The following NSD1 variants were observed in gnomAD, a reference collection of about 807,000 sequenced individuals.
NSD1 encodes nuclear receptor binding SET domain protein 1, also known as histone-lysine N-methyltransferase, H3 lysine-36 specific.
NSD1 carries 26 observed loss-of-function variants against 242.7 expected under a neutral mutation model. The ratio of observed to expected loss-of-function variants is 0.11; its 90% CI spans 0.08 to 0.15. The LOEUF (loss-of-function observed/expected upper bound fraction) is 0.15. Among genes scored for constraint, NSD1 ranks in the 10% least tolerant of loss-of-function variants. The pLI is 1.00. For synonymous variants in NSD1, 1,106 were observed against 1,178.1 expected (o/e 0.94, Z 1.25); for missense variants, 2,495 against 3,272.8 (o/e 0.76, Z 5.80).
chr5:177,209,082 T>G (rs1338194825), intron 4 of NSD1, among the ~76,000 whole-genome samples: 1 of 152,134 alleles, frequency 6.6e-6, no homozygotes, highest in African/African-American at 2.4e-5. Context: ...GTGGAGTGTT[T>G]GTGAGATCAG....
At chr5:177,179,372 C>T (rs887001314) in intron 2 of NSD1, among the ~76,000 whole-genome samples, 3 of 152,100 alleles carry the variant, frequency 2.0e-5, no homozygotes, top group Admixed American at 6.6e-5. Flanking sequence ...TGCGCCACCA[C>T]GCCCAGCTGA....
chr5:177,176,839 A>G (rs1442920362), intron 2 of NSD1, among the ~76,000 whole-genome samples: 1 of 152,158 alleles, frequency 6.6e-6, no homozygotes, highest in Non-Finnish European at 1.5e-5. Flanking sequence ...TCCAGGTCCA[A>G]CTTCTAGAGT....
intron 17 of NSD1, among the ~76,000 whole-genome samples, chr5:177,279,850 C>T (rs1758713416): frequency 6.6e-6 from 1 of 150,886 alleles, no homozygotes; most frequent in Non-Finnish European, 1.5e-5. Flanking sequence ...ATTTCCTGAC[C>T]TCGTGATCCA....
intron 13 of NSD1, among the ~76,000 whole-genome samples, chr5:177,259,326 C>T (rs1040601385): frequency 4.6e-5 from 7 of 152,126 alleles, no homozygotes; most frequent in Admixed American, 4.6e-4. Flanking sequence ...ATCAAAATTG[C>T]AGTTTCGATG....
intron 2 of NSD1, among the ~76,000 whole-genome samples, chr5:177,172,248 A>G (rs1009664626): frequency 1.3e-5 from 2 of 152,114 alleles, no homozygotes; most frequent in African/African-American, 4.8e-5. Context: ...GTTCATGCCT[A>G]TTATAATCCT....
chr5:177,146,913 T>C (rs1757295182), intron 2 of NSD1, among the ~76,000 whole-genome samples: 1 of 151,482 alleles, frequency 6.6e-6, no homozygotes, highest in Non-Finnish European at 1.5e-5. Context: ...AGGCTGAGGT[T>C]GGAGAATCGC....
rs1415003698 is a variant in NSD1, at chr5:177,246,702, C to T, written c.4403C>T (p.Pro1468Leu). 1.9e-6 allele frequency: 3 copies of T among 1,613,682 alleles called. No homozygotes were observed. Among genetic ancestry groups the T allele is most frequent in the Non-Finnish European group, 2.5e-6 (3 of 1,179,882 alleles). ...GGCACTACCAAGATATTTGACAAGC[C>T]AAGGAAGCGAAAACGACAGAGGCAT... ...GGGTTKIFDK[P>L]RKRKRQRHAA... The change falls in exon 10 of 23, where the codon CCA (proline) becomes CTA (leucine). Residue 1468 changes from proline (P) to leucine (L), a missense_variant. By Grantham distance (98) the Pro-to-Leu change is moderately conservative (BLOSUM62 -3). Transcript: ENST00000439151.
At position 177,217,778 on chromosome 5, in the gene NSD1, C is replaced by T. The variant is rs1230188667; in HGVS notation, c.3796+5583C>T. Among the ~76,000 whole-genome samples, 16 of 151,682 alleles carry T rather than the reference C, an allele frequency of 1.1e-4. 1 individual carries two copies. The highest frequency in any genetic ancestry group is 3.4e-3 in the Middle Eastern group (1 of 294). On this transcript the variant is annotated intron_variant, in intron 5 of 22. Transcript: ENST00000439151. ...CACCTCCCTCGTTCAAGCCATTCTC[C>T]TGCCTCAGGCTCCTGAGTAGATGGG... is the stretch of plus-strand genomic sequence containing the variant.
chr5:177,258,783 G>T (rs1756748811), intron 13 of NSD1, among the ~76,000 whole-genome samples: 1 of 152,170 alleles, frequency 6.6e-6, no homozygotes, highest in Non-Finnish European at 1.5e-5. Flanking sequence ...TGATCTGCCT[G>T]CCTCAGCCTC....
chr5:177,212,275 TGTAATG>T, intron 5 of NSD1, 80 bp downstream of exon 5: 1 of 1,425,228 alleles, frequency 7.0e-7, no homozygotes, highest in South Asian at 1.2e-5. Context: ...ATTGGTCTGT[TGTAATG>T]GTAAAGTGAA....
In NSD1 at chr5:177,297,001, A is replaced by G. The variant is rs551304965; in HGVS notation, c.*1542A>G. On this transcript the variant is annotated 3_prime_UTR_variant, in exon 23 of 23. Transcript: ENST00000439151. ...CAATAGGATTCTGTATTTGGTCCCA[A>G]TTTCCTCAAGTTCTTATTGAGGTTA... 2.6e-3 allele frequency: 603 copies of G among 233,312 alleles called. 2 individuals are homozygous for G. The highest frequency in any genetic ancestry group is 9.6e-3 in the South Asian group (53 of 5,532). 14.5% of individuals were successfully genotyped at this position (233,312 alleles called of 1,614,324 possible). A position where few individuals can be genotyped will look rare whatever the true frequency, so the allele number is the denominator to read the frequency against.
In NSD1 at chr5:177,211,775, G is replaced by A. The variant is rs760934525; in HGVS notation, c.3376G>A (p.Gly1126Arg). The change falls in exon 5 of 23, where the codon GGA becomes AGA. Residue 1126 changes from glycine (G) to arginine (R), a missense_variant. Gly to Arg is a moderately radical substitution (Grantham distance 125). Coordinates refer to ENST00000439151, the MANE Select transcript of NSD1 (RefSeq NM_022455.5). ...TGATCCTGGTAAAATTTCTGAAAAA[G>A]GACTCTCTTTTGAAAACGGAAAAGG... ...QSDPGKISEK[G>R]LSFENGKGPE... 9 of 1,614,070 alleles carry A rather than the reference G, an allele frequency of 5.6e-6. No homozygotes were observed. The highest frequency in any genetic ancestry group is 7.6e-6 in the Non-Finnish European group (9 of 1,180,026).
chr5:177,266,376 G>A (rs905085459), intron 14 of NSD1: 4 of 677,432 alleles, frequency 5.9e-6, no homozygotes, highest in Non-Finnish European at 5.6e-6. Context: ...CCTTGGCGGC[G>A]AACATGCAGA....
chr5:177,169,916 G>GT (rs1414965477), intron 2 of NSD1, among the ~76,000 whole-genome samples: 3 of 151,208 alleles, frequency 2.0e-5, no homozygotes, highest in Admixed American at 6.6e-5. Context: ...TTTTTAAAAT[G>GT]TTTTTTCTGT....
intron 4 of NSD1, among the ~76,000 whole-genome samples, chr5:177,208,650 C>G (rs114254235): frequency 0.019 from 2,881 of 151,566 alleles, 90 homozygotes; most frequent in African/African-American, 0.063. Flanking sequence ...GTCTTAGCCT[C>G]CCTACTTTCT....
chr5:177,153,450 T>C (rs1757889478), intron 2 of NSD1, among the ~76,000 whole-genome samples: 1 of 152,142 alleles, frequency 6.6e-6, no homozygotes, highest in Non-Finnish European at 1.5e-5. Flanking sequence ...TACAGTTTTA[T>C]TGATGAAAAT....
At chr5:177,279,542 A>G (rs1490735189) in intron 17 of NSD1, among the ~76,000 whole-genome samples, 1 of 151,726 alleles carries the variant, frequency 6.6e-6, no homozygotes, top group African/African-American at 2.4e-5. Context: ...GTAGCAGCAA[A>G]TGTGACACCA....
In NSD1 at chr5:177,269,493, T is replaced by C. The variant is rs1056075827; in HGVS notation, c.5304-109T>C. ...TGTAAGAATGCCGTAAGATGGACTT[T>C]AATGTGGACAGACAGACATTGCTAA... On this transcript the variant is annotated intron_variant, in intron 15 of 22. Coordinates refer to ENST00000439151, the MANE Select transcript of NSD1 (RefSeq NM_022455.5). The surrounding 1 kb of genome is among the most constrained non-coding windows in gnomAD (Gnocchi z 5.1). 8 of 952,726 alleles carry C rather than the reference T, an allele frequency of 8.4e-6. No homozygotes were observed. Among genetic ancestry groups the C allele is most frequent in the Admixed American group, 2.0e-5 (1 of 50,902 alleles). The allele number at this position is 952,726 out of a possible 1,614,324, so 59.0% of individuals were successfully genotyped here.
Position 177,212,059 on chromosome 5 carries a change from G to A in NSD1, c.3660G>A (p.Glu1220=), listed in dbSNP as rs2149849141. 1.2e-6 allele frequency: 2 copies of A among 1,614,130 alleles called. No homozygotes were observed. The highest frequency in any genetic ancestry group is 1.7e-6 in the Non-Finnish European group (2 of 1,180,024). Reference sequence around the variant, plus strand: ...GCATACTTGAGGAACCACTGACAGAGCAAAATCATGCTGACTGCTTAGATT... The same window carrying A: ...GCATACTTGAGGAACCACTGACAGAACAAAATCATGCTGACTGCTTAGATT... ...SASILEEPLT[E]QNHADCLDSA... is the part of the protein sequence containing the mutation. The change falls in exon 5 of 23, where the codon GAG becomes GAA. Residue 1220 remains glutamate (E), a synonymous_variant. Coordinates refer to ENST00000439151, the MANE Select transcript of NSD1 (RefSeq NM_022455.5).
Sources: allele counts gnomAD v4.1 joint callset (sites outside exome capture counted in the v4.1 genomes callset), GRCh38; gene constraint gnomAD v4.1.1; non-coding constraint Gnocchi (gnomAD v3.1); transcripts MANE v1.5; gene names NCBI Gene and HGNC (gene_info 2026-07-23, HGNC 2026-07-21).